The following ROBO2 variants were observed in gnomAD, a reference collection of about 807,000 sequenced individuals.
ROBO2 encodes roundabout guidance receptor 2, also known as roundabout homolog 2.
ROBO2 carries 53 observed loss-of-function variants against 160.8 expected under a neutral mutation model. The ratio of observed to expected loss-of-function variants is 0.33; its 90% CI spans 0.26 to 0.41. ROBO2 has a LOEUF of 0.41. Among genes scored for constraint, ROBO2 ranks in the 10% least tolerant of loss-of-function variants. The probability of loss-of-function intolerance (pLI) is 1.00; values close to 1 mark genes in which losing one functional copy is unlikely to be tolerated. For missense variants in ROBO2, 1,577 were observed against 1,722.4 expected (o/e 0.92, Z 1.49); for synonymous variants, 664 against 611.7 (o/e 1.09, Z -1.26).
chr3:77,165,258 T>C (rs1338788321), intron 2 of ROBO2, among the ~76,000 whole-genome samples: 1 of 148,856 alleles, frequency 6.7e-6, no homozygotes, highest in Non-Finnish European at 1.5e-5. Context: ...ATCTGTGACC[T>C]TACCCCCAAC....
intron 2 of ROBO2, among the ~76,000 whole-genome samples, chr3:76,405,407 A>G (rs148875638): frequency 2.0e-5 from 3 of 151,684 alleles, no homozygotes; most frequent in African/African-American, 7.2e-5. Context: ...ATGATTTTGG[A>G]ATGTACAGAG....
intron 2 of ROBO2, among the ~76,000 whole-genome samples, chr3:76,445,570 G>T (rs932916999): frequency 1.3e-5 from 2 of 152,026 alleles, no homozygotes; most frequent in Admixed American, 6.6e-5. Flanking sequence ...ACCAAAGCCT[G>T]GCAGAGACAC....
intron 2 of ROBO2, among the ~76,000 whole-genome samples, chr3:75,960,611 C>G (rs1158166879): frequency 6.6e-6 from 1 of 151,772 alleles, no homozygotes; most frequent in Non-Finnish European, 1.5e-5. Context: ...ACCAATGGAT[C>G]TTGAAATGTG....
chr3:75,916,047 T>G (rs1489217347), intron 1 of ROBO2, among the ~76,000 whole-genome samples: 2 of 152,218 alleles, frequency 1.3e-5, no homozygotes, highest in African/African-American at 4.8e-5. Flanking sequence ...CCTTTGAATA[T>G]CACTTGTACT....
chr3:76,855,412 A>T (rs1030092928), intron 2 of ROBO2, among the ~76,000 whole-genome samples: 1 of 152,198 alleles, frequency 6.6e-6, no homozygotes, highest in African/African-American at 2.4e-5. Flanking sequence ...TCCATAAGCT[A>T]TCGGAGAGGG....
chr3:76,854,011 A>G (rs13060244), intron 2 of ROBO2, among the ~76,000 whole-genome samples: 9,620 of 146,910 alleles, frequency 0.065, 348 homozygotes, highest in East Asian at 0.11. Context: ...AGCCAAAAGC[A>G]TAGACTTTCT....
At chr3:76,795,745 A>C (rs1227027447) in intron 2 of ROBO2, among the ~76,000 whole-genome samples, 1 of 152,128 alleles carries the variant, frequency 6.6e-6, no homozygotes, top group Non-Finnish European at 1.5e-5. Flanking sequence ...TCCACTCATG[A>C]GTCACAAATA....
chr3:76,927,895 A>C (rs2077083482), intron 2 of ROBO2, among the ~76,000 whole-genome samples: 1 of 152,176 alleles, frequency 6.6e-6, no homozygotes, highest in African/African-American at 2.4e-5. Context: ...GATGACATAT[A>C]TAAAAAGTTT....
At chr3:77,093,164 G>A (rs1454879285) in intron 1 of ROBO2, among the ~76,000 whole-genome samples, 1 of 152,150 alleles carries the variant, frequency 6.6e-6, no homozygotes, top group Non-Finnish European at 1.5e-5. Flanking sequence ...AATACCTGAT[G>A]AAGAGAGGGG....
At chr3:75,986,028 C>A (rs990467182) in intron 2 of ROBO2, among the ~76,000 whole-genome samples, 8 of 151,424 alleles carry the variant, frequency 5.3e-5, no homozygotes, top group African/African-American at 1.9e-4. Flanking sequence ...ATCTTCAAGA[C>A]CTTGCTTTAA....
At chr3:77,376,053 AAT>A (rs2072604002) in intron 2 of ROBO2, among the ~76,000 whole-genome samples, 1 of 152,134 alleles carries the variant, frequency 6.6e-6, no homozygotes, top group African/African-American at 2.4e-5. Context: ...CAGTCCAGGA[AAT>A]ATCCCTAAGG....
intron 2 of ROBO2, among the ~76,000 whole-genome samples, chr3:76,494,106 C>A (rs1318386547): frequency 6.6e-6 from 1 of 152,088 alleles, no homozygotes; most frequent in Non-Finnish European, 1.5e-5. Context: ...GTAGCGCCAA[C>A]CACATTGGAT....
In ROBO2 at chr3:77,127,777, G is replaced by C. The variant is rs1421122905; in HGVS notation, c.388+29437G>C. Among the ~76,000 whole-genome samples, 2 of 152,096 alleles carry C rather than the reference G, an allele frequency of 1.3e-5. 1 individual carries two copies. Among genetic ancestry groups the C allele is most frequent in the African/African-American group, 4.8e-5 (2 of 41,428 alleles). Reference sequence around the variant, plus strand: ...CTAAAGTTTTGACTTATCCAAGCAGGTGAATTAAAGAATATGTAATAATAG... The same window carrying C: ...CTAAAGTTTTGACTTATCCAAGCAGCTGAATTAAAGAATATGTAATAATAG... On this transcript the variant is annotated intron_variant, in intron 2 of 25. Transcript: ENST00000461745.
rs1026051959 is a variant in ROBO2, at chr3:77,433,561, C to T, written c.389-43853C>T. Among the ~76,000 whole-genome samples the T allele has an allele frequency of 1.1e-4, 16 of 143,110 alleles. 1 individual carries two copies. Among genetic ancestry groups the T allele is most frequent in the Non-Finnish European group, 6.1e-5 (4 of 65,800 alleles). The allele number at this position is 143,110 out of a possible 152,430, so 93.9% of individuals were successfully genotyped here. ...CTTTAAACAACTGAGTTTCTCTAGA[C>T]TTACTTGTGAGTTCTCTTAATCTCT... On this transcript the variant is annotated intron_variant, in intron 2 of 25. Transcript: ENST00000461745.
chr3:77,338,042 A>G lies in ROBO2; in HGVS notation c.389-139372A>G, dbSNP rs2066668585. ...TTTCCAATAAACAACTTCAATCAGT[A>G]ATAATATGCTTGGGTAAAACAAAGA... On this transcript the variant is annotated intron_variant, in intron 2 of 25. Coordinates refer to ENST00000461745, the Ensembl canonical transcript of ROBO2. Among the ~76,000 whole-genome samples, 4 of 152,290 alleles carry G rather than the reference A, an allele frequency of 2.6e-5. No homozygotes were observed. The South Asian group carries it at 8.3e-4, about 32-fold the overall frequency.
At chr3:76,646,086 C>T (rs1292525941) in intron 2 of ROBO2, among the ~76,000 whole-genome samples, 1 of 152,088 alleles carries the variant, frequency 6.6e-6, no homozygotes, top group Admixed American at 6.6e-5. Flanking sequence ...GAGATTCTTT[C>T]ACAACTTTAG....
At chr3:77,040,603 T>G in exon 1 of ROBO2, 1 of 1,458,136 alleles carries the variant, frequency 6.9e-7, no homozygotes, top group Non-Finnish European at 9.0e-7. Context: ...TGGATCTCAG[T>G]GTGCCCCGTT....
chr3:77,554,590 T>G lies in ROBO2; in HGVS notation c.1232-3354T>G, dbSNP rs181867038. Among the ~76,000 whole-genome samples, 323 of 152,068 alleles carry G rather than the reference T, an allele frequency of 2.1e-3. 3 individuals are homozygous for G. The highest frequency in any genetic ancestry group is 7.6e-3 in the African/African-American group (315 of 41,534). On this transcript the variant is annotated intron_variant, in intron 8 of 25. Transcript: ENST00000461745. ...GCAAAACATCAACATTACCAGGAGT[T>G]TGGAAAGTTGGATGACTTTGAGGGG... is the stretch of plus-strand genomic sequence containing the variant.
chr3:77,617,120 T>C (rs1412462183), intron 21 of ROBO2, among the ~76,000 whole-genome samples: 1 of 68,234 alleles, frequency 1.5e-5, no homozygotes, highest in Non-Finnish European at 2.5e-5. Flanking sequence ...ATCAGCGATA[T>C]TGGCATGTAA....
Sources: allele counts gnomAD v4.1 joint callset (sites outside exome capture counted in the v4.1 genomes callset), GRCh38; gene constraint gnomAD v4.1.1; transcripts MANE v1.5; gene names NCBI Gene and HGNC (gene_info 2026-07-23, HGNC 2026-07-21).